The following NALF1 variants were observed in gnomAD, a reference collection of about 807,000 sequenced individuals.
NALF1 encodes NALCN channel auxiliary factor 1.
In NALF1, 3 loss-of-function variants were observed where a neutral mutation model predicts 48.4. The observed-to-expected ratio is 0.06, with a 90% confidence interval of 0.03 to 0.16. The LOEUF is 0.16. NALF1 is among the 10% of genes least tolerant of loss of function. The probability of loss-of-function intolerance (pLI) is 1.00; values close to 1 mark genes in which losing one functional copy is unlikely to be tolerated. For synonymous variants in NALF1, 262 were observed against 245.7 expected (o/e 1.07, Z -0.62); for missense variants, 526 against 571.5 (o/e 0.92, Z 0.81).
chr13:107,604,546 C>T (rs1166580091), intron 1 of NALF1, among the ~76,000 whole-genome samples: 2 of 152,086 alleles, frequency 1.3e-5, no homozygotes, highest in Non-Finnish European at 2.9e-5. Flanking sequence ...GTTAACATGT[C>T]TGATATTCTT....
Position 107,286,549 on chromosome 13 carries a change from A to T in NALF1, c.916-75794T>A, listed in dbSNP as rs190136696. On this transcript the variant is annotated intron_variant, in intron 1 of 2. Coordinates refer to ENST00000375915, the MANE Select transcript of NALF1 (RefSeq NM_001080396.3). ...CTACTCAGGAGTCTGAGGTGGGAGG[A>T]TGGCTCGAGGCTGGGTGACAGAGTA... 3.5e-5 allele frequency among the ~76,000 whole-genome samples: 5 copies of T among 144,210 alleles called. No individual in the cohort carries two copies. In the East Asian group the frequency reaches 8.6e-4, roughly 25 times the overall value. The allele number at this position is 144,210 out of a possible 152,430, so 94.6% of individuals were successfully genotyped here. A position where few individuals can be genotyped will look rare whatever the true frequency, so the allele number is the denominator to read the frequency against.
chr13:107,451,050 T>C (rs1884731216), intron 1 of NALF1, among the ~76,000 whole-genome samples: 1 of 152,138 alleles, frequency 6.6e-6, no homozygotes, highest in South Asian at 2.1e-4. Context: ...AGCCGCCCTG[T>C]AGATGAAATA....
intron 1 of NALF1, among the ~76,000 whole-genome samples, chr13:107,812,940 G>A (rs1879042682): frequency 6.6e-6 from 1 of 152,004 alleles, no homozygotes. Context: ...ATTTTTTGTA[G>A]AGAATAGGTT....
chr13:107,607,783 C>A (rs902903579), intron 1 of NALF1, among the ~76,000 whole-genome samples: 4 of 152,118 alleles, frequency 2.6e-5, no homozygotes, highest in Non-Finnish European at 5.9e-5. Context: ...TCATTTCTTT[C>A]AAATGAGAAA....
intron 2 of NALF1, among the ~76,000 whole-genome samples, chr13:107,172,655 TATAAG>T (rs1395076666): frequency 6.6e-6 from 1 of 152,172 alleles, no homozygotes; most frequent in Non-Finnish European, 1.5e-5. Flanking sequence ...TCTTTTTTCA[TATAAG>T]ATATCTCACT....
chr13:107,439,402 A>C (rs1769148633), intron 1 of NALF1, among the ~76,000 whole-genome samples: 1 of 152,186 alleles, frequency 6.6e-6, no homozygotes, highest in Admixed American at 6.5e-5. Flanking sequence ...CCTGGTTTTC[A>C]CCAATACTCA....
chr13:107,559,358 C>T (rs1189896486), intron 1 of NALF1, among the ~76,000 whole-genome samples: 1 of 151,748 alleles, frequency 6.6e-6, no homozygotes, highest in African/African-American at 2.4e-5. Context: ...CAAGTTAAGG[C>T]AGCTAGCAAA....
chr13:107,675,725 T>C (rs1362021224), intron 1 of NALF1, among the ~76,000 whole-genome samples: 2 of 152,198 alleles, frequency 1.3e-5, no homozygotes, highest in Non-Finnish European at 2.9e-5. Context: ...TTTTAAATAC[T>C]GGTATTAGCG....
At chr13:107,655,271 T>G (rs1279533236) in intron 1 of NALF1, among the ~76,000 whole-genome samples, 2 of 151,928 alleles carry the variant, frequency 1.3e-5, no homozygotes, top group Admixed American at 1.3e-4. Context: ...TCCAAAAAGC[T>G]CCTAGAACTG....
At chr13:107,359,449 T>C (rs9555352) in intron 1 of NALF1, among the ~76,000 whole-genome samples, 41,278 of 151,976 alleles carry the variant, frequency 0.27, 6,544 homozygotes, top group African/African-American at 0.43. Flanking sequence ...ACTGCTGTGA[T>C]ATCATTCTAT....
At chr13:107,314,867 A>C (rs1882114785) in intron 1 of NALF1, among the ~76,000 whole-genome samples, 1 of 152,188 alleles carries the variant, frequency 6.6e-6, no homozygotes, top group African/African-American at 2.4e-5. Context: ...GTGAAAGCTC[A>C]CGCAATTCAA....
chr13:107,596,069 T>C (rs1339936931), intron 1 of NALF1, among the ~76,000 whole-genome samples: 1 of 152,086 alleles, frequency 6.6e-6, no homozygotes, highest in Non-Finnish European at 1.5e-5. Context: ...TCGAGGGCAA[T>C]GGAGAGAAAA....
At chr13:107,233,936 TG>T (rs1880283244) in intron 1 of NALF1, among the ~76,000 whole-genome samples, 1 of 152,220 alleles carries the variant, frequency 6.6e-6, no homozygotes, top group Admixed American at 6.5e-5. Flanking sequence ...ATTACTACAT[TG>T]TTTTTATGAC....
intron 1 of NALF1, among the ~76,000 whole-genome samples, chr13:107,524,125 C>A (rs895894944): frequency 1.3e-5 from 2 of 152,028 alleles, no homozygotes; most frequent in African/African-American, 2.4e-5. Context: ...AAAGGGCAGG[C>A]CATAGAAACT....
chr13:107,489,529 C>T (rs188106928), intron 1 of NALF1, among the ~76,000 whole-genome samples: 6 of 152,188 alleles, frequency 3.9e-5, no homozygotes, highest in Admixed American at 3.9e-4. Context: ...GAAAGGATTC[C>T]CTATTCAATA....
At chr13:107,700,832 C>A (rs948795354) in intron 1 of NALF1, among the ~76,000 whole-genome samples, 2 of 152,036 alleles carry the variant, frequency 1.3e-5, no homozygotes, top group Admixed American at 6.6e-5. Flanking sequence ...GGGCAAAGGA[C>A]CTGAACAGAT....
At chr13:107,292,274 C>A (rs1264021470) in intron 1 of NALF1, among the ~76,000 whole-genome samples, 1 of 152,150 alleles carries the variant, frequency 6.6e-6, no homozygotes, top group Non-Finnish European at 1.5e-5. Context: ...AGGGCACATG[C>A]CATGAATGGA....
At chr13:107,447,761 G>C (rs571951397) in intron 1 of NALF1, among the ~76,000 whole-genome samples, 113 of 152,204 alleles carry the variant, frequency 7.4e-4, no homozygotes, top group African/African-American at 2.7e-3. Flanking sequence ...TCTCCTGCAC[G>C]ACGCCAGACA....
chr13:107,782,896 G>GC (rs1877945340), intron 1 of NALF1, among the ~76,000 whole-genome samples: 1 of 150,744 alleles, frequency 6.6e-6, no homozygotes, highest in Admixed American at 6.6e-5. Context: ...TCTCCGCCCG[G>GC]CAGCCGCCCC....
Sources: gnomAD v4.1 joint callset for allele counts (sites outside exome capture counted in the v4.1 genomes callset) on GRCh38, gnomAD v4.1.1 for gene constraint, MANE v1.5 for transcripts, NCBI Gene and HGNC (gene_info 2026-07-23, HGNC 2026-07-21) for gene names.